Variants in SH3RF2 observed in about 807,000 individuals in gnomAD.
SH3RF2 encodes SH3 domain containing ring finger 2, also known as E3 ubiquitin-protein ligase SH3RF2.
SH3RF2 carries 43 observed loss-of-function variants against 59.0 expected under a neutral mutation model. That is an observed-to-expected ratio of 0.73 (90% CI 0.57 to 0.94). The LOEUF (loss-of-function observed/expected upper bound fraction) is 0.94. Ranked by LOEUF, SH3RF2 falls within the 40% of genes least tolerant of loss-of-function variation. SH3RF2 has a pLI of 0.00. For synonymous variants in SH3RF2, 391 were observed against 391.5 expected (o/e 1.00, Z 0.01); for missense variants, 930 against 940.1 (o/e 0.99, Z 0.14).
At chr5:146,001,804 A>G (rs1176611347) in intron 3 of SH3RF2, among the ~76,000 whole-genome samples, 1 of 152,222 alleles carries the variant, frequency 6.6e-6, no homozygotes, top group Non-Finnish European at 1.5e-5. Context: ...AAACAGACAT[A>G]TAAATGGGAA....
In SH3RF2 at chr5:145,991,899, T is replaced by C. The variant is rs1759948172; in HGVS notation, c.379-8159T>C. On this transcript the variant is annotated intron_variant, in intron 2 of 9. Transcript: ENST00000359120. Reference sequence around the variant, plus strand: ...ACTCCATTCATTGCCCCCATTTGAGTTAGAATAAGATATAGCTTAGACCTA... The same window carrying C: ...ACTCCATTCATTGCCCCCATTTGAGCTAGAATAAGATATAGCTTAGACCTA... Among the ~76,000 whole-genome samples the C allele has an allele frequency of 2.0e-5, 3 of 152,214 alleles. No individual in the cohort carries two copies. The South Asian group carries it at 6.2e-4, about 32-fold the overall frequency.
intron 9 of SH3RF2, among the ~76,000 whole-genome samples, chr5:146,075,930 CA>C (rs1214989843): frequency 1.8e-4 from 28 of 152,130 alleles, no homozygotes; most frequent in African/African-American, 6.3e-4. Context: ...TGCCTAATCC[CA>C]AAACCCCTGG....
chr5:146,023,456 G>A (rs186618731), intron 5 of SH3RF2, among the ~76,000 whole-genome samples: 29 of 152,178 alleles, frequency 1.9e-4, no homozygotes, highest in Admixed American at 1.5e-3. Context: ...TAATCCACCC[G>A]CCTCGGCCTC....
intron 5 of SH3RF2, among the ~76,000 whole-genome samples, chr5:146,036,242 AG>A (rs1761932074): frequency 2.0e-5 from 3 of 152,218 alleles, no homozygotes; most frequent in African/African-American, 4.8e-5. Context: ...CCTTGGGCTC[AG>A]GAAAGCATGA....
In SH3RF2 at chr5:145,997,821, G is replaced by A. The variant is rs190839705; in HGVS notation, c.379-2237G>A. 9.1e-4 allele frequency: 1,327 copies of A among 1,456,510 alleles called. 15 individuals are homozygous for A. The African/African-American group carries it at 0.016, about 18-fold the overall frequency. The allele number at this position is 1,456,510 out of a possible 1,614,324, so 90.2% of individuals were successfully genotyped here. On this transcript the variant is annotated intron_variant, in intron 2 of 9. Coordinates refer to ENST00000359120, the MANE Select transcript of SH3RF2 (RefSeq NM_152550.4). ...AAAAATTAAGCTAGGATCCCCCGCCGAAATAGAAGTACCTGCAAAAACAAC... is the reference window on the plus strand; with the variant it reads ...AAAAATTAAGCTAGGATCCCCCGCCAAAATAGAAGTACCTGCAAAAACAAC...
At chr5:145,969,164 T>C in intron 2 of SH3RF2, among the ~76,000 whole-genome samples, 1 of 152,162 alleles carries the variant, frequency 6.6e-6, no homozygotes, top group East Asian at 1.9e-4. Flanking sequence ...CCAACAAGTG[T>C]TTATTAAAAG....
At chr5:145,952,712 G>C (rs1323284924) in intron 2 of SH3RF2, among the ~76,000 whole-genome samples, 2 of 152,226 alleles carry the variant, frequency 1.3e-5, no homozygotes, top group East Asian at 1.9e-4. Flanking sequence ...AGCAGATCCT[G>C]AGATGAGGAT....
chr5:146,004,203 C>A (rs778673315), intron 4 of SH3RF2, 50 bp downstream of exon 4: 63 of 1,473,832 alleles, frequency 4.3e-5, no homozygotes, highest in Non-Finnish European at 5.9e-5. Context: ...CAGAAATATT[C>A]ATGTGCTACA....
At chr5:146,049,604 T>G (rs1048683318) in intron 7 of SH3RF2, among the ~76,000 whole-genome samples, 2 of 151,972 alleles carry the variant, frequency 1.3e-5, no homozygotes, top group Non-Finnish European at 2.9e-5. Flanking sequence ...CTTCACATCC[T>G]CTATCCCAAT....
chr5:145,979,694 T>C (rs1432777), intron 2 of SH3RF2, among the ~76,000 whole-genome samples: 19,419 of 152,252 alleles, frequency 0.13, 1,398 homozygotes, highest in East Asian at 0.25. Flanking sequence ...CAGCACACCA[T>C]TGTCTCTAAG....
chr5:145,997,811 A>C, intron 2 of SH3RF2: 2 of 1,507,282 alleles, frequency 1.3e-6, no homozygotes, highest in Non-Finnish European at 1.8e-6. Context: ...TTAAGCTAGG[A>C]TCCCCCGCCG....
chr5:146,040,405 G>T (rs1229459383), intron 5 of SH3RF2, among the ~76,000 whole-genome samples: 1 of 152,152 alleles, frequency 6.6e-6, no homozygotes, highest in Non-Finnish European at 1.5e-5. Context: ...GGAAGTAACA[G>T]GTAGGGGGGT....
chr5:145,969,735 T>TAA (rs779217640), intron 2 of SH3RF2, among the ~76,000 whole-genome samples: 1 of 141,562 alleles, frequency 7.1e-6, no homozygotes, highest in Non-Finnish European at 1.5e-5. Flanking sequence ...ACACTCTTTC[T>TAA]AAAAAAAAAA....
chr5:145,963,659 A>G (rs1758728623), intron 2 of SH3RF2, among the ~76,000 whole-genome samples: 1 of 152,082 alleles, frequency 6.6e-6, no homozygotes, highest in East Asian at 1.9e-4. Context: ...CTGATTAGAC[A>G]CCCAAATTCC....
chr5:146,032,425 G>A (rs970075374), intron 5 of SH3RF2, among the ~76,000 whole-genome samples: 2 of 152,088 alleles, frequency 1.3e-5, no homozygotes, highest in African/African-American at 2.4e-5. Context: ...AAGATCTTCA[G>A]CTCTTACATA....
chr5:146,030,505 C>T (rs1761702533), intron 5 of SH3RF2, among the ~76,000 whole-genome samples: 1 of 152,142 alleles, frequency 6.6e-6, no homozygotes, highest in South Asian at 2.1e-4. Flanking sequence ...ATTCCCTGTG[C>T]CCGGGATTAG....
intron 9 of SH3RF2, among the ~76,000 whole-genome samples, chr5:146,069,518 C>A (rs1471588529): frequency 4.1e-5 from 6 of 148,110 alleles, no homozygotes. Flanking sequence ...TGCTATCAAT[C>A]TTTTAATAAA....
At chr5:146,011,667 T>C (rs1760903906) in intron 4 of SH3RF2, among the ~76,000 whole-genome samples, 1 of 152,224 alleles carries the variant, frequency 6.6e-6, no homozygotes, top group Admixed American at 6.5e-5. Flanking sequence ...TCGCTCATGA[T>C]TTGGCTCTCT....
chr5:145,991,598 G>C (rs751889441), intron 2 of SH3RF2, among the ~76,000 whole-genome samples: 2 of 152,122 alleles, frequency 1.3e-5, no homozygotes, highest in Non-Finnish European at 2.9e-5. Flanking sequence ...GGGTCTTCTT[G>C]TTAACAATAG....
Sources: gnomAD v4.1 joint callset for allele counts (sites outside exome capture counted in the v4.1 genomes callset) on GRCh38, gnomAD v4.1.1 for gene constraint, MANE v1.5 for transcripts, NCBI Gene and HGNC (gene_info 2026-07-23, HGNC 2026-07-21) for gene names.